FAM83B: variants seen among roughly 807,000 people sequenced by gnomAD.
The protein encoded by FAM83B is scaffolding CK1 anchoring protein B.
In FAM83B, 26 loss-of-function variants were observed where a neutral mutation model predicts 38.8. The ratio of observed to expected loss-of-function variants is 0.67; its 90% CI spans 0.49 to 0.93. The LOEUF is 0.93. FAM83B is among the 40% of genes least tolerant of loss of function. The pLI is 0.00. For synonymous variants in FAM83B, 419 were observed against 423.1 expected (o/e 0.99, Z 0.12); for missense variants, 1,237 against 1,197.3 (o/e 1.03, Z -0.49).
chr6:54,914,367 A>G (rs888848539), intron 2 of FAM83B, among the ~76,000 whole-genome samples: 6 of 152,198 alleles, frequency 3.9e-5, no homozygotes, highest in Non-Finnish European at 7.3e-5. Context: ...TTTATATTGA[A>G]CCTAGCACTT....
At chr6:54,907,638 T>G (rs370846756) in intron 2 of FAM83B, among the ~76,000 whole-genome samples, 184 of 143,658 alleles carry the variant, frequency 1.3e-3, no homozygotes, top group African/African-American at 4.6e-3. Flanking sequence ...GATTTTTTTT[T>G]AAAAAACAGT....
At chr6:54,868,901 A>T (rs1427344131) in intron 1 of FAM83B, among the ~76,000 whole-genome samples, 1 of 152,236 alleles carries the variant, frequency 6.6e-6, no homozygotes, top group Non-Finnish European at 1.5e-5. Context: ...GTCTCCACTA[A>T]GATGGTAAAT....
chr6:54,923,483 G>A (rs1462234792), intron 2 of FAM83B, among the ~76,000 whole-genome samples: 1 of 152,046 alleles, frequency 6.6e-6, no homozygotes, highest in African/African-American at 2.4e-5. Flanking sequence ...CTAGAGGCTT[G>A]CCACCAAACA....
chr6:54,859,067 G>A (rs1771513709), intron 1 of FAM83B, among the ~76,000 whole-genome samples: 2 of 144,224 alleles, frequency 1.4e-5, no homozygotes, highest in African/African-American at 2.6e-5. Context: ...CCACCCCCCA[G>A]CCCCCAGCAC....
At chr6:54,938,847 A>G (rs1457662043) in intron 4 of FAM83B, among the ~76,000 whole-genome samples, 1 of 152,086 alleles carries the variant, frequency 6.6e-6, no homozygotes, top group Non-Finnish European at 1.5e-5. Flanking sequence ...TTTGCTGTGT[A>G]GAAGCTTTTT....
At chr6:54,872,772 G>A (rs1771889796) in intron 2 of FAM83B, among the ~76,000 whole-genome samples, 1 of 152,142 alleles carries the variant, frequency 6.6e-6, no homozygotes, top group Non-Finnish European at 1.5e-5. Flanking sequence ...GAATTAGCGA[G>A]CTGAAGAAAT....
chr6:54,921,498 G>T (rs1330112436), intron 2 of FAM83B, among the ~76,000 whole-genome samples: 2 of 151,702 alleles, frequency 1.3e-5, no homozygotes, highest in South Asian at 2.1e-4. Context: ...AAATGACCTG[G>T]GGTAGCGTTC....
At chr6:54,926,794 G>C (rs574810328) in intron 3 of FAM83B, among the ~76,000 whole-genome samples, 1 of 152,206 alleles carries the variant, frequency 6.6e-6, no homozygotes, top group East Asian at 1.9e-4. Flanking sequence ...GTGCACTGGT[G>C]CATTCTCAGC....
intron 2 of FAM83B, among the ~76,000 whole-genome samples, chr6:54,887,980 C>A (rs994165262): frequency 6.8e-6 from 1 of 147,042 alleles, no homozygotes; most frequent in African/African-American, 2.5e-5. Flanking sequence ...TTACTGATTT[C>A]TTTTACTCAC....
chr6:54,904,665 T>C (rs1047175574), intron 2 of FAM83B, among the ~76,000 whole-genome samples: 7 of 152,210 alleles, frequency 4.6e-5, no homozygotes, highest in African/African-American at 1.4e-4. Flanking sequence ...GATTAAGACA[T>C]TAGACTAAGA....
Position 54,941,915 on chromosome 6 carries a change from A to G in FAM83B, c.2944A>G (p.Asn982Asp). 3.7e-6 allele frequency: 6 copies of G among 1,614,060 alleles called. No homozygotes were observed. The highest frequency in any genetic ancestry group is 5.1e-6 in the Non-Finnish European group (6 of 1,179,988). Residue 982 changes from asparagine to aspartate, a missense_variant, in exon 5 of 5, where the codon AAC (asparagine) becomes GAC (aspartate). Coordinates refer to ENST00000306858, the MANE Select transcript of FAM83B (RefSeq NM_001010872.3). ...CAGGTCTAGTCCATTGCTTAATTAC[A>G]ACACTGGTGTTTATCGCTCATATCA... ...YGRSSPLLNY[N>D]TGVYRSYQPN...
chr6:54,926,513 G>T lies in FAM83B; in HGVS notation c.587G>T (p.Gly196Val), dbSNP rs1356298319. 6.3e-7 allele frequency: 1 copy of T among 1,598,076 alleles called. No individual in the cohort carries two copies. The highest frequency in any genetic ancestry group is 1.1e-5 in the South Asian group (1 of 88,464). The change falls in exon 3 of 5, where the codon GGT becomes GTT. Residue 196 changes from glycine (G) to valine (V), a missense_variant. Gly to Val is a moderately radical substitution (Grantham distance 109, BLOSUM62 -3). Transcript: ENST00000306858. ...TTTCTAAATATGACTGAGAAACAAGGTTGTTCAGTTCAGCGTCTCAGGGTA... is the reference window on the plus strand; with the variant it reads ...TTTCTAAATATGACTGAGAAACAAGTTTGTTCAGTTCAGCGTCTCAGGGTA... ...NHFLNMTEKQ[G>V]CSVQRLRNIR...
At chr6:54,851,734 G>A (rs1360601352) in intron 1 of FAM83B, among the ~76,000 whole-genome samples, 6 of 134,320 alleles carry the variant, frequency 4.5e-5, no homozygotes, top group Admixed American at 3.1e-4. Flanking sequence ...TGCAAGCTCC[G>A]CCTCCCGGGT....
chr6:54,921,954 T>G (rs769784899), intron 2 of FAM83B, among the ~76,000 whole-genome samples: 1 of 152,094 alleles, frequency 6.6e-6, no homozygotes, highest in Non-Finnish European at 1.5e-5. Context: ...GTAGATTTCA[T>G]GTAATTTTTC....
chr6:54,874,213 T>G (rs951122205), intron 2 of FAM83B, among the ~76,000 whole-genome samples: 5 of 152,118 alleles, frequency 3.3e-5, no homozygotes, highest in African/African-American at 9.7e-5. Flanking sequence ...CTTATTAATT[T>G]TATTTTTGCT....
intron 2 of FAM83B, among the ~76,000 whole-genome samples, chr6:54,871,363 C>T (rs1040580289): frequency 2.6e-5 from 4 of 151,670 alleles, no homozygotes; most frequent in Non-Finnish European, 5.9e-5. Flanking sequence ...ATCTACTCAG[C>T]ACCATGGTGG....
At position 54,942,108 on chromosome 6, in the gene FAM83B, T is replaced by G; in HGVS notation, c.*101T>G. Reference sequence around the variant, plus strand: ...ATAGATTTTCCTAAGGACAGAATTATGGGTATGATGTATATGTTCACCAGT... The same window carrying G: ...ATAGATTTTCCTAAGGACAGAATTAGGGGTATGATGTATATGTTCACCAGT... On this transcript the variant is annotated 3_prime_UTR_variant, in exon 5 of 5. Transcript: ENST00000306858. 8.5e-7 allele frequency: 1 copy of G among 1,182,534 alleles called. No individual in the cohort carries two copies. Among genetic ancestry groups the G allele is most frequent in the Non-Finnish European group, 1.2e-6 (1 of 850,342 alleles). 73.3% of individuals were successfully genotyped at this position (1,182,534 alleles called of 1,614,324 possible). A position where few individuals can be genotyped will look rare whatever the true frequency, so the allele number is the denominator to read the frequency against.
intron 2 of FAM83B, among the ~76,000 whole-genome samples, chr6:54,920,826 C>T (rs1359939085): frequency 1.3e-5 from 2 of 151,780 alleles, no homozygotes; most frequent in African/African-American, 2.4e-5. Flanking sequence ...TTTCAGTATG[C>T]GTATTACTAT....
chr6:54,918,249 T>G (rs1319519076), intron 2 of FAM83B, among the ~76,000 whole-genome samples: 2 of 152,142 alleles, frequency 1.3e-5, no homozygotes, highest in Non-Finnish European at 2.9e-5. Flanking sequence ...CCTTACATTT[T>G]TACAAATATT....
Sources: allele counts gnomAD v4.1 joint callset (sites outside exome capture counted in the v4.1 genomes callset), GRCh38; gene constraint gnomAD v4.1.1; transcripts MANE v1.5; gene names NCBI Gene and HGNC (gene_info 2026-07-23, HGNC 2026-07-21).